SCD5: variants seen among roughly 807,000 people sequenced by gnomAD.
SCD5 encodes the protein acyl-CoA-desaturase 4.
Under a neutral mutation model 30.4 loss-of-function variants are expected in SCD5, and 20 were observed. The ratio of observed to expected loss-of-function variants is 0.66; its 90% CI spans 0.46 to 0.96. SCD5 has a LOEUF of 0.96. Ranked by LOEUF, SCD5 falls within the 40% of genes least tolerant of loss-of-function variation. The probability of loss-of-function intolerance (pLI) is 0.00; values close to 1 mark genes in which losing one functional copy is unlikely to be tolerated. For missense variants in SCD5, 381 were observed against 443.3 expected, an observed-to-expected ratio of 0.86 and a Z score of 1.26; for synonymous variants, 173 against 176.4, an observed-to-expected ratio of 0.98 and a Z score of 0.16.
In SCD5 at chr4:82,631,924, T is replaced by G. The variant is rs900685641; in HGVS notation, c.803-407A>C. 2.0e-5 allele frequency among the ~76,000 whole-genome samples: 3 copies of G among 152,320 alleles called. 1 individual carries two copies. The South Asian group carries it at 6.2e-4, about 32-fold the overall frequency. Reference sequence around the variant, plus strand: ...GAGAGACAAATGAGAATCATTCAAATAGGTAAGTAAATTAAATATCTTTAA... The same window carrying G: ...GAGAGACAAATGAGAATCATTCAAAGAGGTAAGTAAATTAAATATCTTTAA... On this transcript the variant is annotated intron_variant, in intron 4 of 4. Coordinates refer to ENST00000319540, the MANE Select transcript of SCD5 (RefSeq NM_001037582.3).
intron 3 of SCD5, among the ~76,000 whole-genome samples, chr4:82,667,543 A>G (rs181404541): frequency 4.3e-4 from 65 of 152,326 alleles, no homozygotes; most frequent in African/African-American, 1.5e-3. Flanking sequence ...CTGTTTGGCT[A>G]CAACAACCAT....
rs563962350 is a variant in SCD5, at chr4:82,763,234, A to C, written c.232+35072T>G. Among the ~76,000 whole-genome samples the C allele has an allele frequency of 4.6e-5, 7 of 152,266 alleles. No homozygotes were observed. The East Asian group carries it at 1.4e-3, about 29-fold the overall frequency. On this transcript the variant is annotated intron_variant, in intron 1 of 4. Coordinates refer to ENST00000319540, the MANE Select transcript of SCD5 (RefSeq NM_001037582.3). ...CCTTTTAAGAAGTGATTACGTGGCC[A>C]GGCATGGTGACTCACATCTGTAATC...
At chr4:82,792,355 C>T (rs1722115746) in intron 1 of SCD5, among the ~76,000 whole-genome samples, 1 of 152,212 alleles carries the variant, frequency 6.6e-6, no homozygotes, top group Non-Finnish European at 1.5e-5. Context: ...TGACCAGGCC[C>T]CTACCTTGGG....
chr4:82,738,805 T>C (rs949283088), intron 1 of SCD5, among the ~76,000 whole-genome samples: 3 of 152,262 alleles, frequency 2.0e-5, no homozygotes, highest in African/African-American at 4.8e-5. Context: ...TTGGCACTTG[T>C]TGAGTACTTA....
At chr4:82,795,565 C>T (rs1004341663) in intron 1 of SCD5, among the ~76,000 whole-genome samples, 4 of 152,122 alleles carry the variant, frequency 2.6e-5, no homozygotes, top group Non-Finnish European at 5.9e-5. Flanking sequence ...TACAGTGGCT[C>T]ACGCCTGTAA....
chr4:82,741,959 A>T (rs1203718639), intron 1 of SCD5, among the ~76,000 whole-genome samples: 10 of 151,534 alleles, frequency 6.6e-5, no homozygotes, highest in African/African-American at 2.4e-4. Flanking sequence ...GCATGCCTGT[A>T]GTCCCAGCGA....
At chr4:82,747,745 C>A (rs1418999578) in intron 1 of SCD5, among the ~76,000 whole-genome samples, 1 of 152,214 alleles carries the variant, frequency 6.6e-6, no homozygotes, top group Non-Finnish European at 1.5e-5. Context: ...CATTGGCCAA[C>A]TGTCTTTGCA....
At chr4:82,706,779 C>A (rs1719980691) in intron 1 of SCD5, among the ~76,000 whole-genome samples, 1 of 152,252 alleles carries the variant, frequency 6.6e-6, no homozygotes, top group Non-Finnish European at 1.5e-5. Context: ...CCACTGGTTG[C>A]TGACCTAGGA....
chr4:82,681,553 AC>A (rs1728573156), intron 2 of SCD5, among the ~76,000 whole-genome samples: 1 of 152,118 alleles, frequency 6.6e-6, no homozygotes, highest in Non-Finnish European at 1.5e-5. Flanking sequence ...TCCGAATACC[AC>A]TGTCCTCACA....
At chr4:82,765,121 G>T (rs147762258) in intron 1 of SCD5, among the ~76,000 whole-genome samples, 1 of 152,234 alleles carries the variant, frequency 6.6e-6, no homozygotes, top group African/African-American at 2.4e-5. Context: ...AAGATTTCCA[G>T]TTGGTAGATT....
chr4:82,678,846 C>T (rs1440203231), intron 3 of SCD5, among the ~76,000 whole-genome samples: 2 of 152,230 alleles, frequency 1.3e-5, no homozygotes, highest in Non-Finnish European at 1.5e-5. Context: ...TCTCTAATGA[C>T]CTTCAACATT....
chr4:82,638,287 C>A (rs371655252), intron 3 of SCD5, among the ~76,000 whole-genome samples: 7 of 152,146 alleles, frequency 4.6e-5, no homozygotes, highest in African/African-American at 1.4e-4. Flanking sequence ...CCCTGCCCCC[C>A]CAAAAAAAAG....
chr4:82,723,399 G>C (rs1024212602), intron 1 of SCD5, among the ~76,000 whole-genome samples: 3 of 152,172 alleles, frequency 2.0e-5, no homozygotes, highest in East Asian at 1.9e-4. Flanking sequence ...TTGGGCAGCA[G>C]AGAACTTTTA....
intron 1 of SCD5, among the ~76,000 whole-genome samples, chr4:82,730,603 T>G (rs2148835394): frequency 6.7e-6 from 1 of 149,150 alleles, no homozygotes; most frequent in South Asian, 2.1e-4. Context: ...TTTTTTTTTT[T>G]TAGAAGGAGT....
In SCD5 at chr4:82,798,685, C is replaced by T. The variant is rs944536699; in HGVS notation, c.-148G>A. On this transcript the variant is annotated 5_prime_UTR_variant, in exon 1 of 5. Coordinates refer to ENST00000319540, the MANE Select transcript of SCD5 (RefSeq NM_001037582.3). ...CTCCTTCCAGCCCTTCTCCCGGGCT[C>T]CTGCGCTCTTCCCCAGGGTCTTAGC... The T allele has an allele frequency of 8.7e-6, 6 of 690,084 alleles. No homozygotes were observed. Among genetic ancestry groups the T allele is most frequent in the Non-Finnish European group, 1.2e-5 (5 of 424,354 alleles). The allele number at this position is 690,084 out of a possible 1,614,324, so 42.7% of individuals were successfully genotyped here.
At chr4:82,637,765 G>A (rs1727463367) in intron 3 of SCD5, among the ~76,000 whole-genome samples, 1 of 152,232 alleles carries the variant, frequency 6.6e-6, no homozygotes, top group South Asian at 2.1e-4. Flanking sequence ...CAGGCACAGT[G>A]TGAGGGCATG....
intron 1 of SCD5, among the ~76,000 whole-genome samples, chr4:82,707,374 A>G (rs1291111233): frequency 2.6e-5 from 4 of 152,214 alleles, no homozygotes; most frequent in Non-Finnish European, 5.9e-5. Context: ...CAGGAATTAA[A>G]AAATATATGG....
chr4:82,776,422 T>C (rs1412113318), intron 1 of SCD5, among the ~76,000 whole-genome samples: 3 of 152,200 alleles, frequency 2.0e-5, no homozygotes, highest in Non-Finnish European at 4.4e-5. Flanking sequence ...ATCCTAAAAA[T>C]AGGTGAAGAC....
intron 1 of SCD5, among the ~76,000 whole-genome samples, chr4:82,794,479 G>A (rs1278418585): frequency 6.6e-6 from 1 of 152,090 alleles, no homozygotes; most frequent in Non-Finnish European, 1.5e-5. Flanking sequence ...GCAGCCCCAG[G>A]ACTCACACGT....
Sources: gnomAD v4.1 joint callset for allele counts (sites outside exome capture counted in the v4.1 genomes callset) on GRCh38, gnomAD v4.1.1 for gene constraint, MANE v1.5 for transcripts, NCBI Gene and HGNC (gene_info 2026-07-23, HGNC 2026-07-21) for gene names.